NAALADL2: variants seen among roughly 807,000 people sequenced by gnomAD.
NAALADL2 encodes inactive N-acetylated-alpha-linked acidic dipeptidase-like protein 2.
In NAALADL2, 76 loss-of-function variants were observed where a neutral mutation model predicts 87.2. The ratio of observed to expected loss-of-function variants is 0.87; its 90% confidence interval spans 0.72 to 1.05. The LOEUF is 1.05. NAALADL2 is among the 50% of genes least tolerant of loss of function. NAALADL2 has a pLI of 0.00. For synonymous variants in NAALADL2, 354 were observed against 331.0 expected, an observed-to-expected ratio of 1.07 and a Z score of -0.75; for missense variants, 1,089 against 945.8, an observed-to-expected ratio of 1.15 and a Z score of -1.99.
chr3:175,652,340 A>T (rs941181103), intron 11 of NAALADL2, among the ~76,000 whole-genome samples: 6 of 152,170 alleles, frequency 3.9e-5, no homozygotes, highest in Non-Finnish European at 7.4e-5. Context: ...TAAATTAAGG[A>T]GGGAGAATTT....
intron 2 of NAALADL2, among the ~76,000 whole-genome samples, chr3:174,712,380 CTTTTTTTTT>C (rs1169827021): frequency 1.4e-5 from 1 of 70,432 alleles, no homozygotes; most frequent in Admixed American, 2.4e-4. Flanking sequence ...TTCTCCTCTT[CTTTTTTTTT>C]TTTTTTTTTT....
At chr3:175,103,957 C>A (rs937928549) in intron 2 of NAALADL2, among the ~76,000 whole-genome samples, 2 of 152,174 alleles carry the variant, frequency 1.3e-5, no homozygotes, top group Non-Finnish European at 2.9e-5. Context: ...ATGTCTTTCT[C>A]ACCAGTACTA....
At chr3:175,613,762 T>A (rs1253774958) in intron 10 of NAALADL2, among the ~76,000 whole-genome samples, 1 of 152,190 alleles carries the variant, frequency 6.6e-6, no homozygotes. Context: ...AAAATTGGGA[T>A]AATAATAACA....
At chr3:174,824,406 T>C (rs1262399150) in intron 3 of NAALADL2, among the ~76,000 whole-genome samples, 3 of 152,230 alleles carry the variant, frequency 2.0e-5, no homozygotes, top group African/African-American at 7.2e-5. Context: ...CTGATTTCGA[T>C]TGTGAATTTA....
intron 2 of NAALADL2, among the ~76,000 whole-genome samples, chr3:174,605,912 G>A (rs1206678967): frequency 6.6e-6 from 1 of 152,154 alleles, no homozygotes; most frequent in Non-Finnish European, 1.5e-5. Context: ...TAACTGGGAG[G>A]CACCCCCCAG....
At chr3:174,750,660 C>A (rs1734735909) in intron 3 of NAALADL2, among the ~76,000 whole-genome samples, 1 of 152,088 alleles carries the variant, frequency 6.6e-6, no homozygotes, top group African/African-American at 2.4e-5. Context: ...TCTCGAACTC[C>A]TGACCTCTGG....
chr3:174,611,121 C>T (rs1412373013), intron 2 of NAALADL2, among the ~76,000 whole-genome samples: 5 of 139,272 alleles, frequency 3.6e-5, no homozygotes, highest in African/African-American at 8.2e-5. Flanking sequence ...ACAGTGAGAA[C>T]ACATGGACAC....
At chr3:175,175,222 C>A (rs1735538358) in intron 2 of NAALADL2, among the ~76,000 whole-genome samples, 1 of 151,982 alleles carries the variant, frequency 6.6e-6, no homozygotes, top group Non-Finnish European at 1.5e-5. Context: ...TTTGTAAATA[C>A]TTTGACAGGA....
At chr3:174,669,693 C>CT (rs1473575363) in intron 2 of NAALADL2, among the ~76,000 whole-genome samples, 1 of 151,914 alleles carries the variant, frequency 6.6e-6, no homozygotes, top group African/African-American at 2.4e-5. Context: ...TAATTTTGTT[C>CT]TTTTTCAAGA....
rs373525421 is a variant in NAALADL2, at chr3:174,538,573, C to T, written c.-183-11996C>T. Among the ~76,000 whole-genome samples, 119 of 152,212 alleles carry T rather than the reference C, an allele frequency of 7.8e-4. 1 individual carries two copies. Among genetic ancestry groups the T allele is most frequent in the African/African-American group, 2.6e-3 (110 of 41,542 alleles). Reference sequence around the variant, plus strand: ...GAAGGGGAAAGGAAAAAAGACCTTCCCTTTCTAGGTGTCTTTCCTGAACGA... The same window carrying T: ...GAAGGGGAAAGGAAAAAAGACCTTCTCTTTCTAGGTGTCTTTCCTGAACGA... On this transcript the variant is annotated intron_variant, in intron 1 of 3. Transcript: ENST00000434257.
At chr3:174,604,705 G>A (rs556804751) in intron 2 of NAALADL2, among the ~76,000 whole-genome samples, 7 of 150,974 alleles carry the variant, frequency 4.6e-5, no homozygotes, top group South Asian at 2.1e-4. Flanking sequence ...TTTCTCTGGT[G>A]ATGTAATCTA....
intron 1 of NAALADL2, among the ~76,000 whole-genome samples, chr3:174,909,843 C>T (rs190763649): frequency 8.3e-4 from 126 of 152,150 alleles, no homozygotes; most frequent in Admixed American, 1.6e-3. Flanking sequence ...TTTATTATTT[C>T]GATTTCCTTT....
chr3:175,119,270 C>A (rs188544273), intron 2 of NAALADL2, among the ~76,000 whole-genome samples: 32 of 151,646 alleles, frequency 2.1e-4, no homozygotes, highest in Non-Finnish European at 4.1e-4. Flanking sequence ...AGTATAAAAA[C>A]ATCTAACTAG....
intron 2 of NAALADL2, chr3:175,124,385 C>T (rs965657498): frequency 5.9e-5 from 9 of 151,934 alleles, no homozygotes; most frequent in Admixed American, 2.0e-4. Flanking sequence ...CCAGTTTCAA[C>T]ATCTTGGTTT....
chr3:174,797,978 T>C (rs1012994088), intron 3 of NAALADL2, among the ~76,000 whole-genome samples: 1 of 152,092 alleles, frequency 6.6e-6, no homozygotes, highest in Non-Finnish European at 1.5e-5. Flanking sequence ...CTAAGAGTTT[T>C]ATAGTTTTAG....
chr3:174,966,517 A>G (rs1000176393), intron 1 of NAALADL2, among the ~76,000 whole-genome samples: 1 of 152,174 alleles, frequency 6.6e-6, no homozygotes, highest in African/African-American at 2.4e-5. Flanking sequence ...TGAGAGATAT[A>G]AGGAAGGTAA....
At chr3:174,896,071 C>A (rs965785479) in intron 1 of NAALADL2, among the ~76,000 whole-genome samples, 2 of 152,000 alleles carry the variant, frequency 1.3e-5, no homozygotes, top group African/African-American at 4.8e-5. Flanking sequence ...ATATGACAGA[C>A]CCACAGCTAG....
chr3:175,175,357 A>AT (rs1021279727), intron 2 of NAALADL2, among the ~76,000 whole-genome samples: 15 of 152,130 alleles, frequency 9.9e-5, no homozygotes, highest in African/African-American at 3.4e-4. Context: ...TTAAATACCT[A>AT]TTTTCAGTAT....
At chr3:174,815,376 G>A (rs760817881) in intron 3 of NAALADL2, among the ~76,000 whole-genome samples, 1 of 152,104 alleles carries the variant, frequency 6.6e-6, no homozygotes, top group Non-Finnish European at 1.5e-5. Context: ...TCTTCTCCCT[G>A]TGTCTTCACA....
Sources: allele counts gnomAD v4.1 joint callset (sites outside exome capture counted in the v4.1 genomes callset), GRCh38; gene constraint gnomAD v4.1.1; transcripts MANE v1.5; gene names NCBI Gene and HGNC (gene_info 2026-07-23, HGNC 2026-07-21).